The following MLIP variants were observed in gnomAD, a reference collection of about 807,000 sequenced individuals.
The protein encoded by MLIP is muscular LMNA-interacting protein.
MLIP carries 79 observed loss-of-function variants against 84.8 expected under a neutral mutation model. The observed-to-expected ratio is 0.93, with a 90% confidence interval of 0.78 to 1.12. MLIP has a LOEUF of 1.12. Ranked by LOEUF, MLIP falls within the 50% of genes most tolerant of loss-of-function variation. The pLI, the probability that MLIP is intolerant of heterozygous loss-of-function variation, is 0.00. For synonymous variants in MLIP, 504 were observed against 463.0 expected, an observed-to-expected ratio of 1.09 and a Z score of -1.14; for missense variants, 1,257 against 1,160.6, an observed-to-expected ratio of 1.08 and a Z score of -1.21.
chr6:54,020,059 CCA>C (rs1561869146), intron 1 of MLIP, among the ~76,000 whole-genome samples: 1 of 152,184 alleles, frequency 6.6e-6, no homozygotes, highest in Non-Finnish European at 1.5e-5. Flanking sequence ...CATGTAATGG[CCA>C]CAGAGTATTT....
intron 1 of MLIP, among the ~76,000 whole-genome samples, chr6:54,088,760 T>C (rs1767664342): frequency 6.6e-6 from 1 of 152,362 alleles, no homozygotes; most frequent in South Asian, 2.1e-4. Context: ...GTAATCTGTG[T>C]TTTTATTTTC....
chr6:54,128,340 T>G (rs986948808), intron 3 of MLIP, among the ~76,000 whole-genome samples: 2 of 151,918 alleles, frequency 1.3e-5, no homozygotes, highest in African/African-American at 4.8e-5. Flanking sequence ...GGAGAGAAGG[T>G]AAAAGTAGGA....
At chr6:54,251,528 A>G (rs1459380452) in intron 12 of MLIP, among the ~76,000 whole-genome samples, 1 of 105,538 alleles carries the variant, frequency 9.5e-6, no homozygotes, top group Non-Finnish European at 1.7e-5. Context: ...GTACAAACAC[A>G]GTATATATAA....
At chr6:54,186,728 C>T (rs749594087) in intron 9 of MLIP, among the ~76,000 whole-genome samples, 23 of 152,138 alleles carry the variant, frequency 1.5e-4, no homozygotes, top group Non-Finnish European at 2.8e-4. Flanking sequence ...GGGAACTGCC[C>T]TCATGATCCA....
rs901148017 is a variant in MLIP at position 54,137,438 on chromosome 6, C to T, written c.1369C>T (p.Gln457Ter). The change falls in exon 4 of 14, where the codon CAG becomes TAG. Residue 457 changes from glutamine to a stop codon, truncating the protein, a stop_gained. Coordinates refer to ENST00000502396, the MANE Select transcript of MLIP (RefSeq NM_001281747.2). LOFTEE classifies it high-confidence loss of function. ...GCTCACACTTGACCAAAAAGAAAAG[C>T]AGACCCCACCCACGCCTAAAAAATC... The part of the protein sequence containing the change: ...STLTLDQKEK[Q>*]TPPTPKKSLS... 6.5e-7 allele frequency: 1 copy of T among 1,535,906 alleles called. No individual in the cohort carries two copies. Among genetic ancestry groups the T allele is most frequent in the Non-Finnish European group, 8.7e-7 (1 of 1,146,860 alleles).
chr6:54,155,352 T>A (rs1266186214), intron 5 of MLIP, among the ~76,000 whole-genome samples: 1 of 152,134 alleles, frequency 6.6e-6, no homozygotes, highest in African/African-American at 2.4e-5. Context: ...CTTAGGGGAT[T>A]TATTCTACCA....
At chr6:54,033,360 G>A (rs9474707) in intron 1 of MLIP, among the ~76,000 whole-genome samples, 1,904 of 151,400 alleles carry the variant, frequency 0.013, 49 homozygotes, top group African/African-American at 0.042. Flanking sequence ...TCCGCCTCCC[G>A]GGTTCAAGTG....
At chr6:54,157,171 A>G (rs1021519111) in intron 5 of MLIP, among the ~76,000 whole-genome samples, 1 of 152,128 alleles carries the variant, frequency 6.6e-6, no homozygotes, top group African/African-American at 2.4e-5. Flanking sequence ...CCAGAACAAA[A>G]TCCTGTCCTG....
chr6:54,038,009 G>A (rs2150296031), intron 1 of MLIP, among the ~76,000 whole-genome samples: 1 of 151,942 alleles, frequency 6.6e-6, no homozygotes, highest in South Asian at 2.1e-4. Flanking sequence ...ATGCAGTTCA[G>A]AAAATATTTA....
chr6:54,218,670 C>T (rs1370604209), intron 11 of MLIP, among the ~76,000 whole-genome samples: 3 of 151,926 alleles, frequency 2.0e-5, no homozygotes, highest in Admixed American at 1.3e-4. Flanking sequence ...AGGTGCACGC[C>T]ATCATACATA....
At chr6:54,199,042 T>C (rs1778493311) in intron 10 of MLIP, among the ~76,000 whole-genome samples, 1 of 151,994 alleles carries the variant, frequency 6.6e-6, no homozygotes, top group African/African-American at 2.4e-5. Context: ...TAAAATGGCA[T>C]AGAATGAGTT....
intron 10 of MLIP, among the ~76,000 whole-genome samples, chr6:54,193,871 C>G (rs570645295): frequency 3.3e-5 from 5 of 152,146 alleles, no homozygotes; most frequent in African/African-American, 1.2e-4. Context: ...CAAAGGCCAG[C>G]GGGGTCTTTT....
chr6:54,075,169 C>G (rs1766723296), intron 1 of MLIP, among the ~76,000 whole-genome samples: 2 of 148,990 alleles, frequency 1.3e-5, no homozygotes, highest in South Asian at 4.2e-4. Flanking sequence ...ATCGCTTGAA[C>G]CGGGGAGGCA....
chr6:54,126,075 T>A (rs1302715894), intron 3 of MLIP, among the ~76,000 whole-genome samples: 2 of 152,046 alleles, frequency 1.3e-5, no homozygotes, highest in Admixed American at 1.3e-4. Context: ...AACAAAATAT[T>A]ATAATCATAT....
At chr6:54,193,532 A>T (rs1778090568) in intron 10 of MLIP, among the ~76,000 whole-genome samples, 1 of 152,208 alleles carries the variant, frequency 6.6e-6, no homozygotes, top group African/African-American at 2.4e-5. Flanking sequence ...TGGAAAATGA[A>T]TCATTAATAT....
chr6:54,128,679 G>A (rs1030891463), intron 3 of MLIP, among the ~76,000 whole-genome samples: 11 of 152,274 alleles, frequency 7.2e-5, no homozygotes, highest in East Asian at 3.9e-4. Context: ...AGGAGGTCAT[G>A]CATTGGAGGG....
intron 12 of MLIP, among the ~76,000 whole-genome samples, chr6:54,250,131 A>C (rs1357269632): frequency 1.3e-5 from 2 of 152,140 alleles, no homozygotes; most frequent in Admixed American, 6.6e-5. Flanking sequence ...ACTGATCATT[A>C]GAGAAATGCA....
intron 9 of MLIP, among the ~76,000 whole-genome samples, chr6:54,186,209 T>A (rs1413014015): frequency 6.6e-6 from 1 of 152,188 alleles, no homozygotes; most frequent in Non-Finnish European, 1.5e-5. Flanking sequence ...TCTCAGAGAT[T>A]AAAACAATAA....
intron 10 of MLIP, among the ~76,000 whole-genome samples, chr6:54,200,607 GTT>G (rs869066493): frequency 5.6e-4 from 43 of 76,658 alleles, no homozygotes; most frequent in African/African-American, 1.8e-3. Context: ...CTGCCTGGAC[GTT>G]TTTTTTTTTT....
Sources: allele counts gnomAD v4.1 joint callset (sites outside exome capture counted in the v4.1 genomes callset), GRCh38; gene constraint gnomAD v4.1.1; transcripts MANE v1.5; gene names NCBI Gene and HGNC (gene_info 2026-07-23, HGNC 2026-07-21).